Variants in BRAF observed in about 807,000 individuals in gnomAD.
BRAF encodes the protein serine/threonine-protein kinase B-raf.
In BRAF, 16 loss-of-function variants were observed where a neutral mutation model predicts 104.6. The ratio of observed to expected loss-of-function variants is 0.15; its 90% CI spans 0.10 to 0.23. The LOEUF is 0.23. Ranked by LOEUF, BRAF falls within the 10% of genes least tolerant of loss-of-function variation. BRAF has a pLI of 1.00. For missense variants in BRAF, 541 were observed against 937.3 expected (o/e 0.58, Z 5.52); for synonymous variants, 310 against 341.6 (o/e 0.91, Z 1.02).
intron 3 of BRAF, among the ~76,000 whole-genome samples, chr7:140,811,780 G>C (rs1804292078): frequency 6.6e-6 from 1 of 152,138 alleles, no homozygotes; most frequent in Non-Finnish European, 1.5e-5. Flanking sequence ...ATATACAGAG[G>C]GGTTTTTTGG....
At chr7:140,891,943 A>G (rs1814271349) in intron 1 of BRAF, among the ~76,000 whole-genome samples, 1 of 152,182 alleles carries the variant, frequency 6.6e-6, no homozygotes. Flanking sequence ...TAGTCAAGGA[A>G]GTTTATACAA....
chr7:140,833,692 A>G (rs1807030452), intron 3 of BRAF, among the ~76,000 whole-genome samples: 2 of 152,230 alleles, frequency 1.3e-5, no homozygotes, highest in Non-Finnish European at 2.9e-5. Flanking sequence ...AAAGGGCAGA[A>G]AAAGTATGAC....
chr7:140,899,635 AT>A (rs923537167), intron 1 of BRAF, among the ~76,000 whole-genome samples: 19 of 151,708 alleles, frequency 1.3e-4, no homozygotes, highest in East Asian at 5.8e-4. Flanking sequence ...AATCATTTAA[AT>A]TTTTTTTTAA....
At chr7:140,867,515 G>T (rs1162790241) in intron 1 of BRAF, among the ~76,000 whole-genome samples, 1 of 148,928 alleles carries the variant, frequency 6.7e-6, no homozygotes, top group Admixed American at 6.6e-5. Flanking sequence ...TCTAGTTAAG[G>T]GAAGATAAAC....
intron 7 of BRAF, among the ~76,000 whole-genome samples, chr7:140,796,425 T>C (rs757265120): frequency 6.6e-6 from 1 of 151,436 alleles, no homozygotes; most frequent in African/African-American, 2.4e-5. Flanking sequence ...ACTGTAATAA[T>C]TGATCTGGGA....
At chr7:140,823,668 A>G (rs919580164) in intron 3 of BRAF, 8 of 152,192 alleles carry the variant, frequency 5.3e-5, no homozygotes, top group Admixed American at 3.9e-4. Flanking sequence ...TATTTTGGGT[A>G]TATACACAGA....
intron 2 of BRAF, among the ~76,000 whole-genome samples, chr7:140,843,841 T>C (rs529639714): frequency 4.0e-4 from 61 of 151,936 alleles, no homozygotes; most frequent in Non-Finnish European, 6.5e-4. Flanking sequence ...CAGTCTCTAC[T>C]AAAAATACAA....
intron 14 of BRAF, among the ~76,000 whole-genome samples, chr7:140,770,261 C>T (rs1260530591): frequency 6.6e-6 from 1 of 152,036 alleles, no homozygotes; most frequent in African/African-American, 2.4e-5. Context: ...TACATGTTCA[C>T]CATTTTTTCA....
chr7:140,892,094 A>C (rs1160624358), intron 1 of BRAF, among the ~76,000 whole-genome samples: 1 of 152,102 alleles, frequency 6.6e-6, no homozygotes, highest in African/African-American at 2.4e-5. Context: ...CATCTCTACT[A>C]AAAATATTTA....
chr7:140,810,778 C>T (rs545745808), intron 3 of BRAF, among the ~76,000 whole-genome samples: 2 of 152,176 alleles, frequency 1.3e-5, no homozygotes, highest in African/African-American at 2.4e-5. Flanking sequence ...CATAGACATG[C>T]GCAGAGCAAT....
rs745976289 is a variant in BRAF at position 140,884,673 on chromosome 7, G to GT, written c.139-34462dup. 2.3e-3 allele frequency among the ~76,000 whole-genome samples: 351 copies of GT among 151,818 alleles called. 2 individuals carry two copies. Among genetic ancestry groups the GT allele is most frequent in the Non-Finnish European group, 4.5e-3 (303 of 67,960 alleles). ...TTTTAAATTTTTTTGTAGAGATAGG[G>GT]TCTTGCTATGTTGGATCTTCCTGCA... is the stretch of plus-strand genomic sequence containing the variant. On this transcript the variant is annotated intron_variant, in intron 1 of 19. Coordinates refer to ENST00000644969, the MANE Select transcript of BRAF (RefSeq NM_001374258.1).
chr7:140,781,948 T>C lies in BRAF; in HGVS notation c.1435-255A>G, dbSNP rs796703703. On this transcript the variant is annotated intron_variant, in intron 11 of 19. Coordinates refer to ENST00000644969, the MANE Select transcript of BRAF (RefSeq NM_001374258.1). ...ATTATACTTTAAGTTCTAGGGTACA[T>C]GTGCACAACTTGCAGGTTTGTTACT... Among the ~76,000 whole-genome samples the C allele has an allele frequency of 2.0e-4, 31 of 152,346 alleles. 1 individual carries two copies. Among genetic ancestry groups the C allele is most frequent in the African/African-American group, 7.2e-4 (30 of 41,578 alleles).
At position 140,834,687 on chromosome 7, in the gene BRAF, T is replaced by C. The variant is rs2129062031; in HGVS notation, c.426A>G (p.Thr142=). 1 of 1,614,146 alleles carries C rather than the reference T, an allele frequency of 6.2e-7. No homozygotes were observed. The highest frequency in any genetic ancestry group is 8.5e-7 in the Non-Finnish European group (1 of 1,179,996). The change falls in exon 3 of 20, where the codon ACA becomes ACG. Residue 142 remains threonine (T), a synonymous_variant. Transcript: ENST00000644969. ...ACTTGGGGTTGCTCCGTGCCACATC[T>C]GTGGGATTTTGAAAAACTGAAAGAG... is the stretch of plus-strand genomic sequence containing the variant. ...PSSLSVFQNP[T]DVARSNPKSP...
At position 140,724,787 on chromosome 7, in the gene BRAF, G is replaced by T; in HGVS notation, c.*1707C>A. 9.7e-7 allele frequency: 1 copy of T among 1,035,274 alleles called. No homozygotes were observed. Among genetic ancestry groups the T allele is most frequent in the Non-Finnish European group, 1.2e-6 (1 of 860,230 alleles). 64.1% of individuals were successfully genotyped at this position (1,035,274 alleles called of 1,614,324 possible). A position where few individuals can be genotyped will look rare whatever the true frequency, so the allele number is the denominator to read the frequency against. On this transcript the variant is annotated 3_prime_UTR_variant, in exon 20 of 20. Coordinates refer to ENST00000644969, the MANE Select transcript of BRAF (RefSeq NM_001374258.1). ...CAAGTCCTTGGCTATAGCTTGGTTG[G>T]TCTGATTTGATTTGTGTTCCTAAAT...
chr7:140,747,201 CG>C (rs1207514009), intron 17 of BRAF, among the ~76,000 whole-genome samples: 3 of 152,128 alleles, frequency 2.0e-5, no homozygotes, highest in Non-Finnish European at 4.4e-5. Flanking sequence ...TACTATTTGA[CG>C]TAAGTAGACT....
chr7:140,881,006 T>C (rs1472002713), intron 1 of BRAF, among the ~76,000 whole-genome samples: 1 of 152,082 alleles, frequency 6.6e-6, no homozygotes, highest in Non-Finnish European at 1.5e-5. Context: ...AACATTAATC[T>C]TCCTTGTACA....
At position 140,725,920 on chromosome 7, in the gene BRAF, G is replaced by C. The variant is rs75839948; in HGVS notation, c.*574C>G. 7.2e-3 allele frequency: 7,649 copies of C among 1,062,850 alleles called. 29 individuals carry two copies. Among genetic ancestry groups the C allele is most frequent in the Non-Finnish European group, 7.7e-3 (6,789 of 877,904 alleles). 65.8% of individuals were successfully genotyped at this position (1,062,850 alleles called of 1,614,324 possible). A position where few individuals can be genotyped will look rare whatever the true frequency, so the allele number is the denominator to read the frequency against. On this transcript the variant is annotated 3_prime_UTR_variant, in exon 20 of 20. Coordinates refer to ENST00000644969, the MANE Select transcript of BRAF (RefSeq NM_001374258.1). ...ACTCAGCCTCCATTTAAATAAAATAGTTTCCTTTTGATAAAATCTGTCAAG... is the reference window on the plus strand; with the variant it reads ...ACTCAGCCTCCATTTAAATAAAATACTTTCCTTTTGATAAAATCTGTCAAG...
chr7:140,870,631 GAA>G (rs764060432), intron 1 of BRAF, among the ~76,000 whole-genome samples: 12 of 99,346 alleles, frequency 1.2e-4, no homozygotes, highest in African/African-American at 2.8e-4. Flanking sequence ...AGGTTAACTA[GAA>G]AAAAAAAAAA....
chr7:140,716,274 C>G (rs769384681), downstream of BRAF, among the ~76,000 whole-genome samples: 1 of 152,166 alleles, frequency 6.6e-6, no homozygotes, highest in Non-Finnish European at 1.5e-5. Flanking sequence ...TGACTAGGAG[C>G]TCTACCATTT....
Sources: allele counts gnomAD v4.1 joint callset (sites outside exome capture counted in the v4.1 genomes callset), GRCh38; gene constraint gnomAD v4.1.1; transcripts MANE v1.5; gene names NCBI Gene and HGNC (gene_info 2026-07-23, HGNC 2026-07-21).